THSD4: variants seen among roughly 807,000 people sequenced by gnomAD.
THSD4 encodes the protein thrombospondin type-1 domain-containing protein 4.
In THSD4, 69 loss-of-function variants were observed where a neutral mutation model predicts 119.0. The observed-to-expected ratio is 0.58, with a 90% CI of 0.48 to 0.71. THSD4 has a LOEUF of 0.71. Ranked by LOEUF, THSD4 falls within the 30% of genes least tolerant of loss-of-function variation. THSD4 has a pLI of 0.00. For missense variants in THSD4, 1,393 were observed against 1,391.1 expected (o/e 1.00, Z -0.02); for synonymous variants, 524 against 540.4 (o/e 0.97, Z 0.42).
In THSD4 at chr15:71,292,312, A is replaced by C. The variant is rs2044802429; in HGVS notation, c.1015+35597A>C. 1.3e-5 allele frequency among the ~76,000 whole-genome samples: 2 copies of C among 151,796 alleles called. 1 individual carries two copies. The highest frequency in any genetic ancestry group is 4.2e-4 in the South Asian group (2 of 4,796). On this transcript the variant is annotated intron_variant, in intron 6 of 17. Coordinates refer to ENST00000261862, the MANE Select transcript of THSD4 (RefSeq NM_024817.3). ...GGCCTTTGAATATCCATTGTCTCCT[A>C]TGCATCCCTTTTGATGAACCCTTTC... is the stretch of plus-strand genomic sequence containing the variant.
chr15:71,423,641 TGGA>T (rs2046835517), intron 7 of THSD4, among the ~76,000 whole-genome samples: 1 of 152,194 alleles, frequency 6.6e-6, no homozygotes. Flanking sequence ...TGCCTGGGGT[TGGA>T]GGAGGCGGAG....
intron 7 of THSD4, among the ~76,000 whole-genome samples, chr15:71,628,805 C>A (rs1020950213): frequency 3.3e-5 from 5 of 152,158 alleles, no homozygotes; most frequent in African/African-American, 9.7e-5. Context: ...GTTTGGGAAG[C>A]CCCCACCTTG....
chr15:71,420,822 A>T (rs1292241993), intron 7 of THSD4, among the ~76,000 whole-genome samples: 1 of 106,084 alleles, frequency 9.4e-6, no homozygotes, highest in Non-Finnish European at 2.1e-5. Context: ...ATCTTATTGT[A>T]CTGTCTGTGT....
intron 6 of THSD4, among the ~76,000 whole-genome samples, chr15:71,277,459 C>T (rs2044606378): frequency 6.6e-6 from 1 of 152,250 alleles, no homozygotes; most frequent in African/African-American, 2.4e-5. Context: ...ACCCAGCTGC[C>T]TTCAGCCTAA....
intron 7 of THSD4, among the ~76,000 whole-genome samples, chr15:71,518,123 C>G (rs1185126813): frequency 6.6e-6 from 1 of 152,168 alleles, no homozygotes; most frequent in Non-Finnish European, 1.5e-5. Context: ...GTGCATTGCT[C>G]AATTCCATGA....
At chr15:71,495,533 A>G (rs1482300086) in intron 7 of THSD4, among the ~76,000 whole-genome samples, 1 of 152,178 alleles carries the variant, frequency 6.6e-6, no homozygotes, top group African/African-American at 2.4e-5. Context: ...ATGACACGGG[A>G]AAGAATGGAA....
At chr15:71,383,071 A>T (rs1596386140) in intron 6 of THSD4, among the ~76,000 whole-genome samples, 1 of 152,320 alleles carries the variant, frequency 6.6e-6, no homozygotes, top group South Asian at 2.1e-4. Flanking sequence ...TTGTTTTTTT[A>T]AATTAACCTG....
chr15:71,555,124 T>G (rs2048998814), intron 7 of THSD4, among the ~76,000 whole-genome samples: 1 of 152,236 alleles, frequency 6.6e-6, no homozygotes, highest in South Asian at 2.1e-4. Flanking sequence ...CTCATGCCTC[T>G]GATCCCAGCA....
chr15:71,527,626 T>C (rs2048542469), intron 7 of THSD4, among the ~76,000 whole-genome samples: 1 of 152,046 alleles, frequency 6.6e-6, no homozygotes, highest in Admixed American at 6.6e-5. Flanking sequence ...TGTTTTTTCT[T>C]TTGGATTTTC....
At chr15:71,193,789 G>A (rs554577846) in intron 3 of THSD4, among the ~76,000 whole-genome samples, 17 of 152,184 alleles carry the variant, frequency 1.1e-4, no homozygotes, top group African/African-American at 3.9e-4. Context: ...CTCTCTGCAA[G>A]CTCCGCCTCC....
At chr15:71,744,274 T>C (rs544213001) in intron 11 of THSD4, among the ~76,000 whole-genome samples, 78 of 151,798 alleles carry the variant, frequency 5.1e-4, no homozygotes, top group African/African-American at 1.8e-3. Context: ...CTAAAACAGT[T>C]ATAAACATTC....
chr15:71,408,933 A>T (rs72743809), intron 6 of THSD4, among the ~76,000 whole-genome samples: 33,957 of 151,996 alleles, frequency 0.22, 3,855 homozygotes, highest in South Asian at 0.31. Flanking sequence ...TATGAGAAGA[A>T]CTAGGGTGTT....
chr15:71,163,074 C>T lies in THSD4; in HGVS notation c.99+8142C>T, dbSNP rs567981347. ...CTTGTTTGTCTGTGTTCTTTTATAT[C>T]TTACTGAATTTCCTTAAAATCATTA... On this transcript the variant is annotated intron_variant, in intron 3 of 17. Coordinates refer to ENST00000261862, the MANE Select transcript of THSD4 (RefSeq NM_024817.3). Among the ~76,000 whole-genome samples, 60 of 152,014 alleles carry T rather than the reference C, an allele frequency of 3.9e-4. No individual in the cohort carries two copies. The South Asian group carries it at 0.012, about 32-fold the overall frequency.
At chr15:71,685,871 A>G (rs1020987557) in intron 8 of THSD4, among the ~76,000 whole-genome samples, 1 of 152,194 alleles carries the variant, frequency 6.6e-6, no homozygotes, top group Non-Finnish European at 1.5e-5. Context: ...TTATGGAAAT[A>G]GGTTTAATCT....
At chr15:71,752,186 A>T (rs1185209431) in intron 14 of THSD4, among the ~76,000 whole-genome samples, 1 of 152,210 alleles carries the variant, frequency 6.6e-6, no homozygotes, top group East Asian at 1.9e-4. Flanking sequence ...CTCTGTGGGG[A>T]AAATAGCTGC....
intron 7 of THSD4, among the ~76,000 whole-genome samples, chr15:71,646,692 A>G (rs1378842138): frequency 1.3e-5 from 2 of 152,260 alleles, no homozygotes; most frequent in African/African-American, 4.8e-5. Context: ...ATTAATAAAT[A>G]GTGTCACTAA....
At chr15:71,395,626 A>G (rs1394441266) in intron 6 of THSD4, among the ~76,000 whole-genome samples, 2 of 152,074 alleles carry the variant, frequency 1.3e-5, no homozygotes, top group Non-Finnish European at 2.9e-5. Flanking sequence ...CTATAATCCC[A>G]GCTACTCAGG....
At chr15:71,310,313 G>A (rs2045094238) in intron 6 of THSD4, among the ~76,000 whole-genome samples, 1 of 152,026 alleles carries the variant, frequency 6.6e-6, no homozygotes, top group Non-Finnish European at 1.5e-5. Context: ...GTCTCTGTGG[G>A]GGCCAAGGAA....
At chr15:71,432,093 T>C (rs2046950040) in intron 7 of THSD4, among the ~76,000 whole-genome samples, 1 of 152,112 alleles carries the variant, frequency 6.6e-6, no homozygotes, top group Non-Finnish European at 1.5e-5. Flanking sequence ...ATCAGATTTC[T>C]AGGACTCGCG....
Sources: allele counts gnomAD v4.1 joint callset (sites outside exome capture counted in the v4.1 genomes callset), GRCh38; gene constraint gnomAD v4.1.1; transcripts MANE v1.5; gene names NCBI Gene and HGNC (gene_info 2026-07-23, HGNC 2026-07-21).